Variants in ADAMTS3 observed in about 807,000 individuals in gnomAD.
The protein encoded by ADAMTS3 is A disintegrin and metalloproteinase with thrombospondin motifs 3.
In ADAMTS3, 73 loss-of-function variants were observed where a neutral mutation model predicts 129.0. The ratio of observed to expected loss-of-function variants is 0.57; its 90% CI spans 0.47 to 0.69. The LOEUF is 0.69. ADAMTS3 is among the 30% of genes least tolerant of loss of function. The pLI is 0.00. For synonymous variants in ADAMTS3, 477 were observed against 510.8 expected (o/e 0.93, Z 0.89); for missense variants, 1,457 against 1,514.5 (o/e 0.96, Z 0.63).
At chr4:72,392,902 T>C (rs1261369581) in intron 4 of ADAMTS3, among the ~76,000 whole-genome samples, 1 of 149,542 alleles carries the variant, frequency 6.7e-6, no homozygotes, top group Non-Finnish European at 1.5e-5. Context: ...AAAAAAATTC[T>C]TCTACCCATC....
At chr4:72,537,772 G>GA (rs59018690) in intron 3 of ADAMTS3, among the ~76,000 whole-genome samples, 4,881 of 151,866 alleles carry the variant, frequency 0.032, 243 homozygotes, top group African/African-American at 0.11. Flanking sequence ...CAAAGGAAAA[G>GA]AAAAAAACAA....
chr4:72,558,571 T>A (rs1342759209), intron 2 of ADAMTS3, among the ~76,000 whole-genome samples: 2 of 151,844 alleles, frequency 1.3e-5, no homozygotes. Context: ...GCATGTAACA[T>A]AACATACTCG....
rs995608934 is a variant in ADAMTS3, at chr4:72,548,801, G to C, written c.181C>G (p.Leu61Val). 7.4e-6 allele frequency: 12 copies of C among 1,613,804 alleles called. No individual in the cohort carries two copies. In the African/African-American group the frequency reaches 1.1e-4, roughly 14 times the overall value. Reference sequence around the variant, plus strand: ...GACCTCTTTTTGTGACTCGCAGAAAGAGTATGGGAGAGATAGCGTCCTTCT... The same window carrying C: ...GACCTCTTTTTGTGACTCGCAGAAACAGTATGGGAGAGATAGCGTCCTTCT... ...NLEGRYLSHT[L>V]SASHKKRSAR... is the part of the protein sequence containing the mutation. Residue 61 changes from leucine (L) to valine (V), a missense_variant, in exon 3 of 22, where the codon CTT becomes GTT. By Grantham distance (32) the Leu-to-Val change is conservative. Coordinates refer to ENST00000286657, the MANE Select transcript of ADAMTS3 (RefSeq NM_014243.3).
chr4:72,401,566 C>CAAAAAAAAAAAAAAAAAAAAAAAAAAAA (rs374322807), intron 4 of ADAMTS3, among the ~76,000 whole-genome samples: 5 of 37,054 alleles, frequency 1.3e-4, no homozygotes, highest in African/African-American at 3.2e-4. Flanking sequence ...TACTCTGTCT[C>CAAAAAAAAAAAAAAAAAAAAAAAAAAAA]AAAAAAAAAA....
chr4:72,505,844 AG>A (rs1720147475), intron 3 of ADAMTS3, among the ~76,000 whole-genome samples: 1 of 152,206 alleles, frequency 6.6e-6, no homozygotes, highest in Non-Finnish European at 1.5e-5. Flanking sequence ...CTCTCTGCAT[AG>A]GAAGTGTGAA....
chr4:72,510,819 C>CAAAA (rs869030257), intron 3 of ADAMTS3, among the ~76,000 whole-genome samples: 4 of 63,662 alleles, frequency 6.3e-5, no homozygotes, highest in Non-Finnish European at 8.7e-5. Flanking sequence ...ATCCTTAAGC[C>CAAAA]AAAAAAAAAA....
In ADAMTS3 at chr4:72,414,962, T is replaced by C; in HGVS notation, c.514A>G (p.Ile172Val). 6.5e-7 allele frequency: 1 copy of C among 1,535,222 alleles called. No homozygotes were observed. ...ISNCDGLAGM[I>V]KSDNEEYFIE... ...AAATACTCTTCATTATCACTTTTTA[T>C]CATTCCAGCCTAGAGAAAGCACAAA... The change falls in exon 4 of 22, where the codon ATA becomes GTA. Residue 172 changes from isoleucine to valine, a missense_variant. Ile to Val is a conservative substitution (Grantham distance 29). Transcript: ENST00000286657.
intron 15 of ADAMTS3, among the ~76,000 whole-genome samples, chr4:72,308,574 G>C (rs1443147133): frequency 6.6e-6 from 1 of 151,890 alleles, no homozygotes; most frequent in East Asian, 1.9e-4. Flanking sequence ...TTATCTTTAA[G>C]TGCTGAATTC....
chr4:72,480,723 A>G (rs1188746042), intron 3 of ADAMTS3, among the ~76,000 whole-genome samples: 2 of 151,082 alleles, frequency 1.3e-5, no homozygotes, highest in African/African-American at 4.8e-5. Context: ...AAATAAAAAA[A>G]GAGAAACAAG....
At chr4:72,502,855 G>A (rs115256000) in intron 3 of ADAMTS3, among the ~76,000 whole-genome samples, 2,976 of 151,932 alleles carry the variant, frequency 0.02, 139 homozygotes, top group East Asian at 0.19. Context: ...TCCTCCTAAC[G>A]TTATCCCTCC....
Position 72,313,721 on chromosome 4 carries a change from A to C in ADAMTS3, c.1701T>G (p.Cys567Trp). Residue 567 changes from cysteine (C) to tryptophan (W), a missense_variant, in exon 12 of 22, where the codon TGT (cysteine) becomes TGG (tryptophan). Transcript: ENST00000286657. ...WTKFGSCSRTCGTGVRFRTRQ... is the reference protein window; with the variant it reads ...WTKFGSCSRTWGTGVRFRTRQ... ...GTGTTCTGAAACGAACACCAGTTCCACATGTCCGAGAACAGGAGCCAAATT... is the reference window on the plus strand; with the variant it reads ...GTGTTCTGAAACGAACACCAGTTCCCCATGTCCGAGAACAGGAGCCAAATT... 1 of 1,613,812 alleles carries C rather than the reference A, an allele frequency of 6.2e-7. No homozygotes were observed.
chr4:72,530,586 A>C (rs1461334182), intron 3 of ADAMTS3, among the ~76,000 whole-genome samples: 1 of 39,042 alleles, frequency 2.6e-5, no homozygotes, highest in Non-Finnish European at 4.0e-5. Flanking sequence ...TATATATTAA[A>C]TATATATTAA....
intron 5 of ADAMTS3, among the ~76,000 whole-genome samples, chr4:72,332,673 C>T (rs923030868): frequency 1.8e-4 from 27 of 152,196 alleles, no homozygotes; most frequent in African/African-American, 6.5e-4. Context: ...AAAAAGATAC[C>T]TTTGACCTGT....
intron 4 of ADAMTS3, among the ~76,000 whole-genome samples, chr4:72,352,949 A>T (rs955968710): frequency 6.6e-6 from 1 of 151,986 alleles, no homozygotes; most frequent in African/African-American, 2.4e-5. Flanking sequence ...ATATTTTGTA[A>T]ACAGGCTTCA....
chr4:72,535,563 A>T (rs1721165666), intron 3 of ADAMTS3, among the ~76,000 whole-genome samples: 1 of 152,170 alleles, frequency 6.6e-6, no homozygotes, highest in African/African-American at 2.4e-5. Context: ...TTTATCAGCT[A>T]GTCAGAACCC....
intron 2 of ADAMTS3, among the ~76,000 whole-genome samples, chr4:72,561,286 G>A (rs1721897079): frequency 6.6e-6 from 1 of 151,816 alleles, no homozygotes; most frequent in South Asian, 2.1e-4. Context: ...GGCAGAGGTT[G>A]CAGGGAGCTG....
intron 3 of ADAMTS3, among the ~76,000 whole-genome samples, chr4:72,488,434 T>C (rs960029803): frequency 1.3e-5 from 2 of 152,126 alleles, no homozygotes; most frequent in African/African-American, 4.8e-5. Flanking sequence ...GATAACAAAT[T>C]CCATCTCTGT....
chr4:72,438,097 G>A (rs1237839717), intron 3 of ADAMTS3, among the ~76,000 whole-genome samples: 1 of 151,668 alleles, frequency 6.6e-6, no homozygotes, highest in East Asian at 2.0e-4. Flanking sequence ...TCTTTACTCT[G>A]TGTGTGCAGA....
In ADAMTS3 at chr4:72,351,589, A is replaced by T. The variant is rs989527898; in HGVS notation, c.662-11896T>A. Among the ~76,000 whole-genome samples the T allele has an allele frequency of 1.3e-4, 20 of 151,952 alleles. No homozygotes were observed. The South Asian group carries it at 1.7e-3, about 13-fold the overall frequency. ...AAAAAAATCACCTTTCTCATAAAAG[A>T]ATGTGAACTTCTTTGTTCATTAAAA... On this transcript the variant is annotated intron_variant, in intron 4 of 21. Transcript: ENST00000286657.
Sources: allele counts gnomAD v4.1 joint callset (sites outside exome capture counted in the v4.1 genomes callset), GRCh38; gene constraint gnomAD v4.1.1; transcripts MANE v1.5; gene names NCBI Gene and HGNC (gene_info 2026-07-23, HGNC 2026-07-21).